Variants in ADGRL2 observed in about 807,000 individuals in gnomAD.
The protein encoded by ADGRL2 is adhesion G protein-coupled receptor L2, also known as calcium-independent alpha-latrotoxin receptor 2.
In ADGRL2, 44 loss-of-function variants were observed where a neutral mutation model predicts 157.4. That is an observed-to-expected ratio of 0.28 (90% CI 0.22 to 0.36). The LOEUF is 0.36. Among genes scored for constraint, ADGRL2 ranks in the 10% least tolerant of loss-of-function variants. ADGRL2 has a pLI of 1.00. For missense variants in ADGRL2, 1,510 were observed against 1,768.9 expected, an observed-to-expected ratio of 0.85 and a Z score of 2.63; for synonymous variants, 585 against 624.7, an observed-to-expected ratio of 0.94 and a Z score of 0.95.
intron 1 of ADGRL2, among the ~76,000 whole-genome samples, chr1:81,740,347 C>T (rs1246173817): frequency 6.6e-6 from 1 of 152,190 alleles, no homozygotes; most frequent in East Asian, 1.9e-4. Context: ...AAGTTTCTGG[C>T]ATCCTTGAAT....
chr1:81,908,519 A>T (rs2148343590), intron 3 of ADGRL2, among the ~76,000 whole-genome samples: 1 of 152,340 alleles, frequency 6.6e-6, no homozygotes, highest in African/African-American at 2.4e-5. Context: ...GGTAGTTTTT[A>T]GGTTTTGTCA....
chr1:81,398,795 ATGACT>A (rs764959544), intron 1 of ADGRL2, among the ~76,000 whole-genome samples: 1 of 152,156 alleles, frequency 6.6e-6, no homozygotes, highest in Non-Finnish European at 1.5e-5. Flanking sequence ...TTTCTTACAG[ATGACT>A]TGACACTTTT....
intron 2 of ADGRL2, among the ~76,000 whole-genome samples, chr1:81,476,891 A>G (rs59659456): frequency 0.079 from 12,065 of 152,094 alleles, 723 homozygotes; most frequent in East Asian, 0.29. Flanking sequence ...ATCAACATCC[A>G]TCGATTAAAC....
chr1:81,525,286 G>A (rs758825810), intron 2 of ADGRL2, among the ~76,000 whole-genome samples: 98 of 151,602 alleles, frequency 6.5e-4, no homozygotes, highest in Non-Finnish European at 1.2e-3. Context: ...CATTCCACAC[G>A]TGTAGTAAAA....
At chr1:81,374,749 C>T (rs865812089) in intron 1 of ADGRL2, among the ~76,000 whole-genome samples, 16 of 152,230 alleles carry the variant, frequency 1.1e-4, no homozygotes, top group South Asian at 1.0e-3. Context: ...TGTCCATTGC[C>T]GCTCACATAT....
intron 1 of ADGRL2, among the ~76,000 whole-genome samples, chr1:81,735,694 G>T (rs2084873220): frequency 6.6e-6 from 1 of 152,030 alleles, no homozygotes; most frequent in Admixed American, 6.6e-5. Flanking sequence ...GGAGGCTGAG[G>T]CAGGAGAATT....
At chr1:81,491,034 C>T (rs2078621138) in intron 2 of ADGRL2, among the ~76,000 whole-genome samples, 2 of 152,142 alleles carry the variant, frequency 1.3e-5, no homozygotes, top group South Asian at 2.1e-4. Context: ...ATGCCAATAG[C>T]ATTTCCCTAG....
Position 81,990,770 on chromosome 1 carries a change from T to C in ADGRL2, c.4035T>C (p.Leu1345=). ...TTATTCCTCAGCGGACTCACTCCCT[T>C]CTGTACCAACCCCAGAAGAAAGTGA... ...APLIPQRTHS[L]LYQPQKKVKS... Residue 1345 remains leucine (L), a synonymous_variant, in exon 24 of 24, where the codon CTT becomes CTC. Transcript: ENST00000686636. 6.2e-7 allele frequency: 1 copy of C among 1,614,076 alleles called. No individual in the cohort carries two copies.
chr1:81,433,055 G>T (rs1291211882), intron 1 of ADGRL2, among the ~76,000 whole-genome samples: 3 of 152,070 alleles, frequency 2.0e-5, no homozygotes, highest in African/African-American at 4.8e-5. Context: ...ACTGTTTAAT[G>T]CTATCAGGCT....
intron 3 of ADGRL2, among the ~76,000 whole-genome samples, chr1:81,924,347 A>C (rs17429851): frequency 0.073 from 11,172 of 152,192 alleles, 438 homozygotes; most frequent in African/African-American, 0.11. Flanking sequence ...AGAACTGTAC[A>C]TAGTCATTTA....
At chr1:81,795,982 T>C (rs2087565826), upstream of ADGRL2, among the ~76,000 whole-genome samples, 1 of 152,068 alleles carries the variant, frequency 6.6e-6, no homozygotes, top group Admixed American at 6.5e-5. Context: ...TTATTTTTGT[T>C]TTGTTTTGTT....
At chr1:81,482,682 T>G (rs968861577) in intron 2 of ADGRL2, among the ~76,000 whole-genome samples, 2 of 152,070 alleles carry the variant, frequency 1.3e-5, no homozygotes, top group African/African-American at 4.8e-5. Context: ...AAAACATCTT[T>G]ATGTTTGTAA....
intron 3 of ADGRL2, among the ~76,000 whole-genome samples, chr1:81,928,273 T>C (rs2095154359): frequency 6.6e-6 from 1 of 152,114 alleles, no homozygotes; most frequent in Non-Finnish European, 1.5e-5. Flanking sequence ...AAGGGTTTGT[T>C]ATTGGCATTG....
At chr1:81,581,479 G>T (rs929745097) in intron 3 of ADGRL2, among the ~76,000 whole-genome samples, 5 of 152,112 alleles carry the variant, frequency 3.3e-5, no homozygotes, top group Non-Finnish European at 5.9e-5. Flanking sequence ...AAGTAATGTG[G>T]ATATCTTTAC....
intron 1 of ADGRL2, among the ~76,000 whole-genome samples, chr1:81,341,890 G>A (rs557758789): frequency 6.6e-6 from 1 of 152,134 alleles, no homozygotes; most frequent in Non-Finnish European, 1.5e-5. Context: ...TCAAATTCTA[G>A]GTTTTTATAT....
chr1:81,575,920 A>G (rs942381903), intron 2 of ADGRL2, among the ~76,000 whole-genome samples: 1 of 152,116 alleles, frequency 6.6e-6, no homozygotes, highest in Non-Finnish European at 1.5e-5. Context: ...AACCCCATGT[A>G]CCCACTACTT....
intron 1 of ADGRL2, among the ~76,000 whole-genome samples, chr1:81,801,784 G>A (rs1157382629): frequency 6.6e-6 from 1 of 152,162 alleles, no homozygotes; most frequent in Non-Finnish European, 1.5e-5. Context: ...CGCCCCCGGC[G>A]CCCTCCCGCC....
At chr1:81,869,529 A>G (rs994823295) in intron 2 of ADGRL2, among the ~76,000 whole-genome samples, 1 of 152,100 alleles carries the variant, frequency 6.6e-6, no homozygotes, top group African/African-American at 2.4e-5. Context: ...CAGCCATTGT[A>G]AACATAACTA....
At chr1:81,657,320 T>C (rs1052965060) in intron 3 of ADGRL2, among the ~76,000 whole-genome samples, 2 of 152,122 alleles carry the variant, frequency 1.3e-5, no homozygotes, top group South Asian at 4.1e-4. Flanking sequence ...TGTGGACAAA[T>C]AGATAGTGCC....
Sources: gnomAD v4.1 joint callset for allele counts (sites outside exome capture counted in the v4.1 genomes callset) on GRCh38, gnomAD v4.1.1 for gene constraint, MANE v1.5 for transcripts, NCBI Gene and HGNC (gene_info 2026-07-23, HGNC 2026-07-21) for gene names.